The following CTNND2 variants were observed in gnomAD, a reference collection of about 807,000 sequenced individuals.
CTNND2 encodes catenin delta 2, also known as catenin delta-2.
CTNND2 carries 22 observed loss-of-function variants against 144.4 expected under a neutral mutation model. The observed-to-expected ratio is 0.15, with a 90% CI of 0.11 to 0.22. The LOEUF is 0.22. Ranked by LOEUF, CTNND2 falls within the 10% of genes least tolerant of loss-of-function variation. CTNND2 has a pLI of 1.00. For missense variants in CTNND2, 1,353 were observed against 1,618.8 expected (o/e 0.84, Z 2.82); for synonymous variants, 751 against 695.6 (o/e 1.08, Z -1.25).
chr5:11,310,507 T>C (rs546555555), intron 9 of CTNND2, among the ~76,000 whole-genome samples: 1 of 152,116 alleles, frequency 6.6e-6, no homozygotes, highest in South Asian at 2.1e-4. Context: ...TCCTACACGT[T>C]AAAATCACTG....
At chr5:11,085,054 T>C (rs886944867) in intron 15 of CTNND2, among the ~76,000 whole-genome samples, 2 of 152,140 alleles carry the variant, frequency 1.3e-5, no homozygotes, top group African/African-American at 2.4e-5. Flanking sequence ...TAAATGGACA[T>C]AACTTTGTCC....
rs552759312 is a variant in CTNND2, at chr5:11,009,571, T to C, written c.3084+8403A>G. ...TAAGTGAGAAGAATGGATGTAGACT[T>C]ACATTAAACTTACTGAGTTTACTAG... On this transcript the variant is annotated intron_variant, in intron 18 of 21. Transcript: ENST00000304623. Among the ~76,000 whole-genome samples the C allele has an allele frequency of 4.6e-5, 7 of 152,348 alleles. No individual in the cohort carries two copies. In the South Asian group the frequency reaches 1.4e-3, roughly 32 times the overall value.
At chr5:11,009,581 T>A (rs1276821464) in intron 18 of CTNND2, among the ~76,000 whole-genome samples, 2 of 152,236 alleles carry the variant, frequency 1.3e-5, no homozygotes, top group African/African-American at 2.4e-5. Flanking sequence ...TACATTAAAC[T>A]TACTGAGTTT....
At chr5:11,019,640 A>T (rs1742029574) in intron 17 of CTNND2, among the ~76,000 whole-genome samples, 1 of 152,222 alleles carries the variant, frequency 6.6e-6, no homozygotes, top group Non-Finnish European at 1.5e-5. Flanking sequence ...TGATGCATTC[A>T]CTAGATGGAT....
intron 18 of CTNND2, among the ~76,000 whole-genome samples, chr5:10,996,739 C>G (rs2149507703): frequency 6.6e-6 from 1 of 152,244 alleles, no homozygotes; most frequent in South Asian, 2.1e-4. Flanking sequence ...TCTGGGATTA[C>G]AGGCATGCAC....
intron 1 of CTNND2, among the ~76,000 whole-genome samples, chr5:11,880,939 ACT>A (rs1736054630): frequency 6.8e-6 from 1 of 147,424 alleles, no homozygotes; most frequent in African/African-American, 2.5e-5. Flanking sequence ...TACTACTGCT[ACT>A]AATACTACTA....
rs182113975 is a variant in CTNND2 at position 11,425,677 on chromosome 5, A to C, written c.288-13608T>G. On this transcript the variant is annotated intron_variant, in intron 3 of 21. Coordinates refer to ENST00000304623, the MANE Select transcript of CTNND2 (RefSeq NM_001332.4). The stretch of plus-strand genomic sequence containing the variant: ...AATCATTCTTGGGATTATTTACACC[A>C]ATCTATCCATTTTCCACTGGAAATG... Among the ~76,000 whole-genome samples the C allele has an allele frequency of 4.0e-3, 608 of 152,278 alleles. 3 individuals are homozygous for C. Among genetic ancestry groups the C allele is most frequent in the African/African-American group, 0.014 (585 of 41,564 alleles).
chr5:11,421,098 C>T (rs1188178036), intron 3 of CTNND2, among the ~76,000 whole-genome samples: 1 of 152,096 alleles, frequency 6.6e-6, no homozygotes, highest in Non-Finnish European at 1.5e-5. Flanking sequence ...CTCGTCTGAC[C>T]TCTGAAGAAC....
At chr5:11,258,591 A>G (rs950698587) in intron 9 of CTNND2, among the ~76,000 whole-genome samples, 3 of 151,884 alleles carry the variant, frequency 2.0e-5, no homozygotes, top group Admixed American at 6.6e-5. Context: ...CGCTTTGTCT[A>G]CTCTTTTCAT....
chr5:11,861,289 T>G (rs1795492452), intron 1 of CTNND2, among the ~76,000 whole-genome samples: 3 of 152,140 alleles, frequency 2.0e-5, no homozygotes, highest in Non-Finnish European at 4.4e-5. Context: ...CTCTGCCACA[T>G]GACACAGCAT....
intron 11 of CTNND2, among the ~76,000 whole-genome samples, chr5:11,180,331 T>C (rs1464223941): frequency 6.6e-6 from 1 of 152,232 alleles, no homozygotes; most frequent in Non-Finnish European, 1.5e-5. Context: ...ATTAAACTTC[T>C]TTCCTTTATA....
At chr5:11,901,155 A>G (rs1178903572) in intron 1 of CTNND2, among the ~76,000 whole-genome samples, 1 of 152,210 alleles carries the variant, frequency 6.6e-6, no homozygotes, top group African/African-American at 2.4e-5. Context: ...TTTCAAATGT[A>G]ATGTTAATGT....
In CTNND2 at chr5:11,770,344, T is replaced by C. The variant is rs75134192; in HGVS notation, c.38-38072A>G. On this transcript the variant is annotated intron_variant, in intron 1 of 21. Coordinates refer to ENST00000304623, the MANE Select transcript of CTNND2 (RefSeq NM_001332.4). ...ACACTTGAAGTAAACAGAATTAGAA[T>C]ATATAAGGATCCTGAAATACTACTG... Among the ~76,000 whole-genome samples, 1,268 of 149,970 alleles carry C rather than the reference T, an allele frequency of 8.5e-3. 30 individuals are homozygous for C. The highest frequency in any genetic ancestry group is 0.029 in the African/African-American group (1,195 of 40,720).
intron 9 of CTNND2, among the ~76,000 whole-genome samples, chr5:11,302,872 A>T (rs934602389): frequency 1.3e-5 from 2 of 152,172 alleles, no homozygotes; most frequent in African/African-American, 2.4e-5. Context: ...AGTTAGGAGG[A>T]GGAGGACCAT....
chr5:11,537,755 T>C (rs1774354308), intron 3 of CTNND2, among the ~76,000 whole-genome samples: 1 of 152,142 alleles, frequency 6.6e-6, no homozygotes, highest in Non-Finnish European at 1.5e-5. Flanking sequence ...TAGTACCAGC[T>C]TTAGTAGAAA....
intron 18 of CTNND2, among the ~76,000 whole-genome samples, chr5:10,998,735 T>G (rs770020926): frequency 7.2e-5 from 11 of 152,230 alleles, no homozygotes; most frequent in African/African-American, 2.7e-4. Flanking sequence ...TACATGTTGT[T>G]TTTTCTTGTC....
intron 9 of CTNND2, among the ~76,000 whole-genome samples, chr5:11,254,116 A>G (rs1743951983): frequency 6.6e-6 from 1 of 152,242 alleles, no homozygotes; most frequent in Non-Finnish European, 1.5e-5. Flanking sequence ...TAAAATTTAC[A>G]TAATTTACTG....
intron 11 of CTNND2, among the ~76,000 whole-genome samples, chr5:11,181,561 G>A (rs1490304150): frequency 2.0e-5 from 3 of 152,172 alleles, no homozygotes; most frequent in Non-Finnish European, 4.4e-5. Flanking sequence ...AAGAAGTCGG[G>A]GATAGTAGTG....
At chr5:11,829,780 C>T (rs1793797975) in intron 1 of CTNND2, among the ~76,000 whole-genome samples, 1 of 152,188 alleles carries the variant, frequency 6.6e-6, no homozygotes, top group Non-Finnish European at 1.5e-5. Flanking sequence ...AAGAGGGCCA[C>T]CATCCTCTAG....
Sources: gnomAD v4.1 joint callset for allele counts (sites outside exome capture counted in the v4.1 genomes callset) on GRCh38, gnomAD v4.1.1 for gene constraint, MANE v1.5 for transcripts, NCBI Gene and HGNC (gene_info 2026-07-23, HGNC 2026-07-21) for gene names.